RBFOX1: variants seen among roughly 807,000 people sequenced by gnomAD.
The protein encoded by RBFOX1 is RNA binding fox-1 homolog 1, also known as RNA binding protein fox-1 homolog 1.
In RBFOX1, 8 loss-of-function variants were observed where a neutral mutation model predicts 57.7. That is an observed-to-expected ratio of 0.14 (90% CI 0.08 to 0.25). RBFOX1 has a LOEUF of 0.25. Among genes scored for constraint, RBFOX1 ranks in the 10% least tolerant of loss-of-function variants. The pLI, the probability that RBFOX1 is intolerant of heterozygous loss-of-function variation, is 1.00. For missense variants in RBFOX1, 611 were observed against 548.5 expected (o/e 1.11, Z -1.14); for synonymous variants, 326 against 222.4 (o/e 1.47, Z -4.15).
intron 3 of RBFOX1, among the ~76,000 whole-genome samples, chr16:6,764,013 T>A (rs2076988093): frequency 6.6e-6 from 1 of 152,194 alleles, no homozygotes; most frequent in Non-Finnish European, 1.5e-5. Context: ...AGCAGGATGT[T>A]AATGCTGTCT....
intron 4 of RBFOX1, among the ~76,000 whole-genome samples, chr16:5,991,483 A>G (rs2060395563): frequency 1.3e-5 from 2 of 152,144 alleles, no homozygotes; most frequent in African/African-American, 4.8e-5. Flanking sequence ...TTGGATTAAT[A>G]TCTCTGGAGA....
chr16:7,259,391 A>G (rs909248892), intron 4 of RBFOX1, among the ~76,000 whole-genome samples: 8 of 152,118 alleles, frequency 5.3e-5, no homozygotes, highest in African/African-American at 1.9e-4. Context: ...CACATATAAG[A>G]TATTCCTAGG....
intron 3 of RBFOX1, among the ~76,000 whole-genome samples, chr16:6,827,729 T>A (rs917923592): frequency 7.9e-5 from 12 of 152,110 alleles, no homozygotes; most frequent in African/African-American, 2.7e-4. Context: ...CCCATGCTGA[T>A]CCCCTACATG....
chr16:6,290,627 A>C (rs1300575321), intron 1 of RBFOX1, among the ~76,000 whole-genome samples: 1 of 151,984 alleles, frequency 6.6e-6, no homozygotes, highest in African/African-American at 2.4e-5. Flanking sequence ...GTCTAAAGTG[A>C]ATTTAGCACA....
At chr16:5,619,139 C>T (rs117893218) in intron 3 of RBFOX1, among the ~76,000 whole-genome samples, 69 of 152,284 alleles carry the variant, frequency 4.5e-4, no homozygotes, top group East Asian at 7.7e-4. Context: ...TTTTACAAGA[C>T]GTGCAAAGGG....
intron 4 of RBFOX1, among the ~76,000 whole-genome samples, chr16:7,116,764 T>C (rs1390426674): frequency 1.3e-5 from 2 of 152,078 alleles, no homozygotes; most frequent in African/African-American, 4.8e-5. Context: ...GGATGACAGG[T>C]ATTGACCACC....
At chr16:6,960,666 C>T (rs1046596966) in intron 3 of RBFOX1, among the ~76,000 whole-genome samples, 5 of 152,028 alleles carry the variant, frequency 3.3e-5, no homozygotes, top group African/African-American at 9.7e-5. Context: ...ACAGGACATA[C>T]TCTTGCAGGA....
intron 1 of RBFOX1, among the ~76,000 whole-genome samples, chr16:5,305,369 T>C (rs556344177): frequency 1.3e-5 from 2 of 152,270 alleles, no homozygotes; most frequent in South Asian, 4.1e-4. Context: ...ACCTGCTTTC[T>C]GTCTTCTGCT....
Position 7,014,056 on chromosome 16 carries a change from C to T in RBFOX1, c.-15-38001C>T, listed in dbSNP as rs149293617. Among the ~76,000 whole-genome samples, 100 of 152,258 alleles carry T rather than the reference C, an allele frequency of 6.6e-4. 1 individual carries two copies. Among genetic ancestry groups the T allele is most frequent in the African/African-American group, 2.3e-3 (96 of 41,540 alleles). ...AGGATGAAATATGTAACAGTATTCA[C>T]TCAGTATATTAAAAATAAATACACA... On this transcript the variant is annotated intron_variant, in intron 3 of 15. Coordinates refer to ENST00000550418, the MANE Select transcript of RBFOX1 (RefSeq NM_018723.4).
At chr16:5,943,014 C>T (rs2059312360) in intron 4 of RBFOX1, among the ~76,000 whole-genome samples, 1 of 152,180 alleles carries the variant, frequency 6.6e-6, no homozygotes, top group South Asian at 2.1e-4. Flanking sequence ...CTGCACTGAC[C>T]ACAAGCTCAG....
At chr16:7,253,666 T>C (rs1202624425) in intron 4 of RBFOX1, among the ~76,000 whole-genome samples, 2 of 152,190 alleles carry the variant, frequency 1.3e-5, no homozygotes, top group Non-Finnish European at 2.9e-5. Flanking sequence ...TTGACATCAC[T>C]TCTCCTTACC....
At chr16:6,658,934 T>C (rs1445540603) in intron 3 of RBFOX1, among the ~76,000 whole-genome samples, 1 of 135,400 alleles carries the variant, frequency 7.4e-6, no homozygotes, top group Non-Finnish European at 1.6e-5. Flanking sequence ...TTTGGTTTTT[T>C]TGTTTTTTTT....
At position 6,863,849 on chromosome 16, in the gene RBFOX1, A is replaced by G. The variant is rs905300229; in HGVS notation, c.-15-188208A>G. On this transcript the variant is annotated intron_variant, in intron 3 of 15. Transcript: ENST00000550418. ...GGAGCCAAATCAGGTAACCAGAAAC[A>G]AATACCAAGTTCTTTACTGGTATTT... Among the ~76,000 whole-genome samples the G allele has an allele frequency of 4.6e-5, 7 of 151,444 alleles. No individual in the cohort carries two copies. In the Middle Eastern group the frequency reaches 0.01, roughly 221 times the overall value.
At chr16:7,006,124 G>A (rs1302639405) in intron 3 of RBFOX1, among the ~76,000 whole-genome samples, 3 of 152,002 alleles carry the variant, frequency 2.0e-5, no homozygotes, top group Non-Finnish European at 4.4e-5. Context: ...TTGGCTAGAG[G>A]ACATACATAA....
intron 4 of RBFOX1, among the ~76,000 whole-genome samples, chr16:5,968,206 C>T (rs1388666664): frequency 6.6e-6 from 1 of 152,108 alleles, no homozygotes; most frequent in African/African-American, 2.4e-5. Context: ...TCCCCAGTAG[C>T]TGGGATTATG....
intron 1 of RBFOX1, among the ~76,000 whole-genome samples, chr16:5,258,577 C>T (rs1433037098): frequency 1.3e-5 from 2 of 152,088 alleles, no homozygotes; most frequent in Non-Finnish European, 2.9e-5. Context: ...GACAGAGATT[C>T]CATATTAGCC....
intron 1 of RBFOX1, among the ~76,000 whole-genome samples, chr16:6,094,705 C>T (rs1056941001): frequency 6.6e-6 from 1 of 152,196 alleles, no homozygotes; most frequent in African/African-American, 2.4e-5. Context: ...GTTTCCTCAT[C>T]TGCACATTGG....
intron 3 of RBFOX1, among the ~76,000 whole-genome samples, chr16:6,795,504 A>T (rs776224081): frequency 3.3e-5 from 5 of 152,160 alleles, no homozygotes; most frequent in Non-Finnish European, 5.9e-5. Flanking sequence ...ACGTTGGCTC[A>T]CGTCTGTAAT....
At chr16:6,691,411 T>A (rs757155606) in intron 3 of RBFOX1, among the ~76,000 whole-genome samples, 1 of 152,218 alleles carries the variant, frequency 6.6e-6, no homozygotes, top group Non-Finnish European at 1.5e-5. Flanking sequence ...CTTGTCACTT[T>A]CAACACCTAT....
Sources: gnomAD v4.1 joint callset for allele counts (sites outside exome capture counted in the v4.1 genomes callset) on GRCh38, gnomAD v4.1.1 for gene constraint, MANE v1.5 for transcripts, NCBI Gene and HGNC (gene_info 2026-07-23, HGNC 2026-07-21) for gene names.